Variants in MYO1E observed in about 807,000 individuals in gnomAD.
The protein encoded by MYO1E is myosin IE.
Under a neutral mutation model 151.1 loss-of-function variants are expected in MYO1E, and 68 were observed. That is an observed-to-expected ratio of 0.45 (90% CI 0.37 to 0.55). The LOEUF (loss-of-function observed/expected upper bound fraction) is 0.55. MYO1E is among the 20% of genes least tolerant of loss of function. MYO1E has a pLI of 0.00. For synonymous variants in MYO1E, 601 were observed against 501.7 expected (o/e 1.20, Z -2.64); for missense variants, 1,363 against 1,389.3 (o/e 0.98, Z 0.30).
chr15:59,193,097 T>C (rs1406907524), intron 17 of MYO1E, among the ~76,000 whole-genome samples: 2 of 67,968 alleles, frequency 2.9e-5, no homozygotes, highest in Non-Finnish European at 5.0e-5. Context: ...TCAGTGATTC[T>C]CAAAGTGCAG....
chr15:59,160,332 A>AGTGTGTGT (rs2079530392), intron 24 of MYO1E, among the ~76,000 whole-genome samples: 1 of 117,112 alleles, frequency 8.5e-6, no homozygotes, highest in African/African-American at 3.4e-5. Flanking sequence ...GGTTTGAGGT[A>AGTGTGTGT]GTGCGTGTGT....
rs557698442 is a variant in MYO1E, at chr15:59,195,319, T to C, written c.1805+142A>G. On this transcript the variant is annotated intron_variant, in intron 17 of 27. Transcript: ENST00000288235. ...CGGAGGGGAAACAGTATACAGCTTT[T>C]GTCCTGAAAAAGTTAAGATGCAAGG... The C allele has an allele frequency of 1.2e-4, 92 of 763,592 alleles. No individual in the cohort carries two copies. In the African/African-American group the frequency reaches 1.2e-3, roughly 10 times the overall value. The allele number at this position is 763,592 out of a possible 1,614,324, so 47.3% of individuals were successfully genotyped here. A position where few individuals can be genotyped will look rare whatever the true frequency, so the allele number is the denominator to read the frequency against.
At chr15:59,190,893 GA>G (rs1196366167) in intron 17 of MYO1E, among the ~76,000 whole-genome samples, 1 of 152,166 alleles carries the variant, frequency 6.6e-6, no homozygotes, top group Non-Finnish European at 1.5e-5. Context: ...CCTGGGCCTG[GA>G]GGGGCGAGTT....
chr15:59,367,891 G>A (rs573514864), intron 1 of MYO1E, among the ~76,000 whole-genome samples: 18 of 152,176 alleles, frequency 1.2e-4, no homozygotes, highest in African/African-American at 3.4e-4. Context: ...AGGCTGAGGC[G>A]GGCAGATCAC....
intron 1 of MYO1E, among the ~76,000 whole-genome samples, chr15:59,366,806 C>T (rs1486415973): frequency 6.6e-6 from 1 of 152,064 alleles, no homozygotes; most frequent in Non-Finnish European, 1.5e-5. Context: ...AATTTGTTTA[C>T]CACTATTACA....
At chr15:59,299,070 G>A (rs1435870255) in intron 1 of MYO1E, among the ~76,000 whole-genome samples, 1 of 152,190 alleles carries the variant, frequency 6.6e-6, no homozygotes, top group African/African-American at 2.4e-5. Flanking sequence ...CTTATTCAGA[G>A]GCCAAAGATT....
chr15:59,354,135 A>G (rs1338909287), intron 1 of MYO1E, among the ~76,000 whole-genome samples: 3 of 152,252 alleles, frequency 2.0e-5, no homozygotes, highest in African/African-American at 4.8e-5. Context: ...GGGAAATGAC[A>G]ATACAGTTGA....
chr15:59,360,394 C>G (rs1224256096), intron 1 of MYO1E, among the ~76,000 whole-genome samples: 1 of 152,074 alleles, frequency 6.6e-6, no homozygotes, highest in Non-Finnish European at 1.5e-5. Context: ...TGTGGAATGT[C>G]TTTCTTCACA....
chr15:59,154,365 C>T (rs903443475), intron 25 of MYO1E, among the ~76,000 whole-genome samples: 32 of 152,172 alleles, frequency 2.1e-4, no homozygotes, highest in African/African-American at 6.8e-4. Flanking sequence ...TGGATCAGTC[C>T]GGATGGAGCA....
Position 59,137,210 on chromosome 15 carries a change from C to G in MYO1E, c.*170G>C. 5 of 672,040 alleles carry G rather than the reference C, an allele frequency of 7.4e-6. No homozygotes were observed. The highest frequency in any genetic ancestry group is 1.3e-5 in the Non-Finnish European group (5 of 374,758). The allele number at this position is 672,040 out of a possible 1,614,324, so 41.6% of individuals were successfully genotyped here. A position where few individuals can be genotyped will look rare whatever the true frequency, so the allele number is the denominator to read the frequency against. ...AGGATCACTTATGGAGTGATACTCCCTGTCCCCAACCCAGCCTTTTCAGTG... is the reference window on the plus strand; with the variant it reads ...AGGATCACTTATGGAGTGATACTCCGTGTCCCCAACCCAGCCTTTTCAGTG... On this transcript the variant is annotated 3_prime_UTR_variant, in exon 28 of 28. Transcript: ENST00000288235.
intron 1 of MYO1E, among the ~76,000 whole-genome samples, chr15:59,336,676 G>A (rs989122060): frequency 2.0e-5 from 3 of 151,948 alleles, no homozygotes; most frequent in Non-Finnish European, 4.4e-5. Context: ...AGGTATACAC[G>A]TGCCATGATG....
At chr15:59,192,081 C>A (rs1226936348) in intron 17 of MYO1E, among the ~76,000 whole-genome samples, 3 of 152,160 alleles carry the variant, frequency 2.0e-5, no homozygotes, top group African/African-American at 7.2e-5. Context: ...GTGAAGCACA[C>A]TGCCCTTTCA....
At position 59,256,251 on chromosome 15, in the gene MYO1E, T is replaced by C; in HGVS notation, c.332+33A>G. The C allele has an allele frequency of 1.3e-6, 2 of 1,502,208 alleles. 1 individual carries two copies. Among genetic ancestry groups the C allele is most frequent in the South Asian group, 2.3e-5 (2 of 88,698 alleles). The allele number at this position is 1,502,208 out of a possible 1,614,324, so 93.1% of individuals were successfully genotyped here. ...CATAACCACAGCATAGTCTCATATCTTCCACGCCCACTGATAAGGATCTTC... is the reference window on the plus strand; with the variant it reads ...CATAACCACAGCATAGTCTCATATCCTCCACGCCCACTGATAAGGATCTTC... On this transcript the variant is annotated intron_variant, in intron 4 of 27. Transcript: ENST00000288235.
chr15:59,367,443 G>A (rs1184873763), intron 1 of MYO1E, among the ~76,000 whole-genome samples: 3 of 152,198 alleles, frequency 2.0e-5, no homozygotes, highest in Admixed American at 1.3e-4. Flanking sequence ...GTGGAGGAAG[G>A]AGTTGAAGGG....
intron 26 of MYO1E, among the ~76,000 whole-genome samples, chr15:59,142,337 G>T (rs896474325): frequency 6.6e-6 from 1 of 152,104 alleles, no homozygotes; most frequent in African/African-American, 2.4e-5. Context: ...AAGTATGGGG[G>T]CTTAGATACA....
At chr15:59,367,012 A>C (rs1183027109) in intron 1 of MYO1E, among the ~76,000 whole-genome samples, 1 of 151,114 alleles carries the variant, frequency 6.6e-6, no homozygotes, top group African/African-American at 2.4e-5. Flanking sequence ...AAAAAAAAAA[A>C]AAAAAAAAAA....
intron 5 of MYO1E, among the ~76,000 whole-genome samples, chr15:59,233,691 C>G (rs1452177592): frequency 2.2e-5 from 3 of 137,446 alleles, no homozygotes; most frequent in Non-Finnish European, 3.1e-5. Context: ...AAAAAGGCAG[C>G]AAAACAGCAT....
At chr15:59,339,825 A>T (rs1347620482) in intron 1 of MYO1E, among the ~76,000 whole-genome samples, 1 of 150,812 alleles carries the variant, frequency 6.6e-6, no homozygotes, top group East Asian at 1.9e-4. Context: ...CCTTCTCTAC[A>T]AAATTTTATA....
At chr15:59,354,095 G>C (rs1282046225) in intron 1 of MYO1E, among the ~76,000 whole-genome samples, 1 of 152,152 alleles carries the variant, frequency 6.6e-6, no homozygotes, top group African/African-American at 2.4e-5. Flanking sequence ...ACAACATGAA[G>C]GGCAAACATT....
Sources: allele counts gnomAD v4.1 joint callset (sites outside exome capture counted in the v4.1 genomes callset), GRCh38; gene constraint gnomAD v4.1.1; transcripts MANE v1.5; gene names NCBI Gene and HGNC (gene_info 2026-07-23, HGNC 2026-07-21).